The following NPAS3 variants were observed in gnomAD, a reference collection of about 807,000 sequenced individuals.
NPAS3 encodes neuronal PAS domain-containing protein 3.
In NPAS3, 14 loss-of-function variants were observed where a neutral mutation model predicts 73.1. The ratio of observed to expected loss-of-function variants is 0.19; its 90% CI spans 0.13 to 0.30. NPAS3 has a LOEUF of 0.30. NPAS3 is among the 10% of genes least tolerant of loss of function. NPAS3 has a pLI of 1.00. For missense variants in NPAS3, 1,096 were observed against 1,250.0 expected (o/e 0.88, Z 1.86); for synonymous variants, 620 against 541.5 (o/e 1.14, Z -2.01).
At chr14:33,198,525 G>C (rs548792227) in intron 2 of NPAS3, among the ~76,000 whole-genome samples, 41 of 152,306 alleles carry the variant, frequency 2.7e-4, no homozygotes, top group African/African-American at 9.4e-4. Flanking sequence ...TGATTGGTGC[G>C]TTTGCAAACC....
At chr14:33,656,922 C>G (rs575774225) in intron 5 of NPAS3, among the ~76,000 whole-genome samples, 1 of 152,004 alleles carries the variant, frequency 6.6e-6, no homozygotes, top group South Asian at 2.1e-4. Context: ...GATATCTGCC[C>G]TTTCGTGTTC....
At chr14:33,181,157 A>T (rs2045784807) in intron 2 of NPAS3, among the ~76,000 whole-genome samples, 1 of 152,212 alleles carries the variant, frequency 6.6e-6, no homozygotes, top group Non-Finnish European at 1.5e-5. Context: ...GAACCAAATT[A>T]GATAAATCTG....
intron 7 of NPAS3, among the ~76,000 whole-genome samples, chr14:33,741,661 T>A (rs1281453116): frequency 6.6e-6 from 1 of 152,190 alleles, no homozygotes; most frequent in African/African-American, 2.4e-5. Context: ...TTGGGATATG[T>A]CATTTCTGCT....
In NPAS3 at chr14:33,539,860, G is replaced by GT. The variant is rs2054430196; in HGVS notation, c.469-20255dup. ...GGGGTTTGTCTTTGTTTGGTTGCTT[G>GT]TTTTTTAGGATATTCTTCTATCATA... On this transcript the variant is annotated intron_variant, in intron 4 of 11. Coordinates refer to ENST00000356141, the Ensembl canonical transcript of NPAS3. Among the ~76,000 whole-genome samples, 7 of 152,162 alleles carry GT rather than the reference G, an allele frequency of 4.6e-5. No individual in the cohort carries two copies. The South Asian group carries it at 1.5e-3, about 32-fold the overall frequency.
intron 2 of NPAS3, among the ~76,000 whole-genome samples, chr14:33,153,535 C>T (rs2044537709): frequency 6.6e-6 from 1 of 151,382 alleles, no homozygotes; most frequent in South Asian, 2.1e-4. Flanking sequence ...CTTAATCTTC[C>T]CGTTTGGGGT....
intron 2 of NPAS3, among the ~76,000 whole-genome samples, chr14:33,173,004 T>G (rs1041311386): frequency 1.3e-4 from 20 of 152,178 alleles, no homozygotes; most frequent in African/African-American, 4.6e-4. Context: ...ATATGAGAAG[T>G]TTTAATGTTT....
exon 12 of NPAS3, chr14:33,799,894 C>T (rs148867285): frequency 6.2e-7 from 1 of 1,614,078 alleles, no homozygotes; most frequent in African/African-American, 1.3e-5. Context: ...GCGACAGCGA[C>T]GACAGCTTCG....
At chr14:33,506,810 CT>C (rs776333060) in intron 4 of NPAS3, among the ~76,000 whole-genome samples, 71 of 152,140 alleles carry the variant, frequency 4.7e-4, no homozygotes, top group Middle Eastern at 6.8e-3. Flanking sequence ...AGTCTCCCCC[CT>C]AATTCCCCAC....
intron 2 of NPAS3, among the ~76,000 whole-genome samples, chr14:33,187,381 C>A (rs1408827047): frequency 1.3e-5 from 2 of 152,276 alleles, no homozygotes; most frequent in Admixed American, 6.5e-5. Flanking sequence ...TAGGTAATTT[C>A]TCTTGATCAT....
intron 4 of NPAS3, among the ~76,000 whole-genome samples, chr14:33,469,935 A>C (rs57014274): frequency 0.17 from 26,229 of 152,100 alleles, 2,550 homozygotes; most frequent in East Asian, 0.39. Context: ...AGGTTTTCTC[A>C]GCTTCACTTG....
At chr14:33,654,933 AAGG>A (rs1476904840) in intron 5 of NPAS3, among the ~76,000 whole-genome samples, 1 of 152,188 alleles carries the variant, frequency 6.6e-6, no homozygotes, top group African/African-American at 2.4e-5. Context: ...AAATGGGAGA[AAGG>A]AGGAAGGCTA....
At chr14:33,056,561 C>T (rs1047086020) in intron 2 of NPAS3, among the ~76,000 whole-genome samples, 1 of 152,184 alleles carries the variant, frequency 6.6e-6, no homozygotes, top group African/African-American at 2.4e-5. Context: ...GTCTTTGCTG[C>T]CATTTGCTTT....
intron 3 of NPAS3, among the ~76,000 whole-genome samples, chr14:33,365,726 C>A (rs2045812237): frequency 6.6e-6 from 1 of 152,192 alleles, no homozygotes; most frequent in Admixed American, 6.5e-5. Context: ...CAGTGCCTTG[C>A]AGACATTGCA....
At chr14:33,509,281 C>G (rs1374038964) in intron 4 of NPAS3, among the ~76,000 whole-genome samples, 1 of 151,924 alleles carries the variant, frequency 6.6e-6, no homozygotes, top group Non-Finnish European at 1.5e-5. Context: ...AGATTATGAA[C>G]TTTTCTAGGG....
chr14:33,737,646 T>G (rs1426967219), intron 7 of NPAS3, among the ~76,000 whole-genome samples: 1 of 152,156 alleles, frequency 6.6e-6, no homozygotes, highest in Non-Finnish European at 1.5e-5. Flanking sequence ...CCTCCTCATC[T>G]GCAGTGAACT....
Position 33,800,246 on chromosome 14 carries a change from A to G in NPAS3, c.1939A>G (p.Lys647Glu). The G allele has an allele frequency of 6.2e-6, 10 of 1,613,234 alleles. No homozygotes were observed. Among genetic ancestry groups the G allele is most frequent in the Non-Finnish European group, 8.5e-6 (10 of 1,179,640 alleles). Residue 647 changes from lysine to glutamate, a missense_variant, in exon 12 of 12, where the codon AAG (lysine) becomes GAG (glutamate). This residue lies in a region of NPAS3 where 698 missense variants were observed against 676.7 expected (regional missense o/e 1.03). Coordinates refer to ENST00000356141, the Ensembl canonical transcript of NPAS3. The surrounding 1 kb of genome is among the most constrained non-coding windows in gnomAD (Gnocchi z 6.5). Reference sequence around the variant, plus strand: ...CTCCCCCAACAGTGCCTCGGTGCTCAAGATCAAGACGGAGATCTCAGAACC... The same window carrying G: ...CTCCCCCAACAGTGCCTCGGTGCTCGAGATCAAGACGGAGATCTCAGAACC...
At chr14:33,719,095 T>A (rs1482713639) in intron 6 of NPAS3, among the ~76,000 whole-genome samples, 1 of 152,164 alleles carries the variant, frequency 6.6e-6, no homozygotes, top group Non-Finnish European at 1.5e-5. Context: ...ACCACTACAC[T>A]ACAACCTTGG....
chr14:33,177,234 C>T (rs540258490), intron 2 of NPAS3, among the ~76,000 whole-genome samples: 4 of 151,658 alleles, frequency 2.6e-5, no homozygotes, highest in Non-Finnish European at 5.9e-5. Context: ...GTAGCTGGGA[C>T]CACAGATGCC....
At chr14:32,938,291 T>C (rs896604763), upstream of NPAS3, among the ~76,000 whole-genome samples, 1 of 151,980 alleles carries the variant, frequency 6.6e-6, no homozygotes, top group African/African-American at 2.4e-5. Context: ...CCCAAGGAGC[T>C]CCCGGGACTG....
Sources: gnomAD v4.1 joint callset for allele counts (sites outside exome capture counted in the v4.1 genomes callset) on GRCh38, gnomAD v4.1.1 for gene constraint, gnomAD v4.1.1 regional missense constraint, Gnocchi (gnomAD v3.1) non-coding constraint, MANE v1.5 for transcripts, NCBI Gene and HGNC (gene_info 2026-07-23, HGNC 2026-07-21) for gene names.